CEP76: variants seen among roughly 807,000 people sequenced by gnomAD.
CEP76 encodes the protein centrosomal protein of 76 kDa.
CEP76 carries 55 observed loss-of-function variants against 83.3 expected under a neutral mutation model. That is an observed-to-expected ratio of 0.66 (90% CI 0.53 to 0.83). The LOEUF is 0.83. CEP76 is among the 40% of genes least tolerant of loss of function. CEP76 has a pLI of 0.00. For missense variants in CEP76, 694 were observed against 799.5 expected, an observed-to-expected ratio of 0.87 and a Z score of 1.59; for synonymous variants, 270 against 274.5, an observed-to-expected ratio of 0.98 and a Z score of 0.16.
downstream of CEP76, among the ~76,000 whole-genome samples, chr18:12,668,527 G>GGT: frequency 7.2e-6 from 1 of 139,522 alleles, no homozygotes; most frequent in Middle Eastern, 4.1e-3. Flanking sequence ...GAACCCAGGA[G>GGT]GTAGAGGTTG....
Position 12,695,256 on chromosome 18 carries a change from G to T in CEP76, c.802C>A (p.Gln268Lys). Residue 268 changes from glutamine to lysine, a missense_variant and splice_region_variant, in exon 6 of 12, where the codon CAG becomes AAG. Physicochemically the swap from Gln to Lys is moderately conservative, Grantham distance 53. Transcript: ENST00000262127. Reference sequence around the variant, plus strand: ...AAGAGAAACTCATAAGTATTTACCTGTGTGTTCACTACTTCTTGAGATAAC... The same window carrying T: ...AAGAGAAACTCATAAGTATTTACCTTTGTGTTCACTACTTCTTGAGATAAC... ...QTLSQEVVNT[Q>K]LALERQKTAE... 2.1e-6 allele frequency: 3 copies of T among 1,411,818 alleles called. No homozygotes were observed. The highest frequency in any genetic ancestry group is 1.2e-5 in the South Asian group (1 of 81,488). The allele number at this position is 1,411,818 out of a possible 1,614,324, so 87.5% of individuals were successfully genotyped here. A position where few individuals can be genotyped will look rare whatever the true frequency, so the allele number is the denominator to read the frequency against.
At chr18:12,664,985 C>T (rs527517137) in intron 12 of CEP76, 3 of 152,242 alleles carry the variant, frequency 2.0e-5, no homozygotes, top group South Asian at 4.1e-4. Context: ...CCACTGCACC[C>T]GATCTATCCT....
chr18:12,664,631 C>T (rs973882730), intron 12 of CEP76, among the ~76,000 whole-genome samples: 5 of 151,958 alleles, frequency 3.3e-5, no homozygotes, highest in African/African-American at 9.7e-5. Context: ...GGGATCCTCC[C>T]GCCTTGGCCT....
At chr18:12,685,658 T>A (rs9959458) in intron 8 of CEP76, 59,023 of 150,824 alleles carry the variant, frequency 0.39, 11,920 homozygotes, top group Non-Finnish European at 0.45. Context: ...TTTTGAGACG[T>A]GTCTTGCTCT....
chr18:12,699,149 G>C lies in CEP76; in HGVS notation c.350C>G (p.Ala117Gly). 6.2e-7 allele frequency: 1 copy of C among 1,614,054 alleles called. No individual in the cohort carries two copies. Among genetic ancestry groups the C allele is most frequent in the Middle Eastern group, 1.7e-4 (1 of 6,060 alleles). Residue 117 changes from alanine to glycine, a missense_variant, in exon 4 of 12, where the codon GCT becomes GGT. Ala to Gly is a moderately conservative substitution (Grantham distance 60). Coordinates refer to ENST00000262127, the MANE Select transcript of CEP76 (RefSeq NM_024899.4). Reference sequence around the variant, plus strand: ...AGGTTCTTGCAGATGTTCCAAGAAAGCTTTTCCACCCAAAACCTGAAGGTA... The same window carrying C: ...AGGTTCTTGCAGATGTTCCAAGAAACCTTTTCCACCCAAAACCTGAAGGTA... Reference protein sequence around the residue: ...YLYLQVLGGKAFLEHLQEPEP... With the variant: ...YLYLQVLGGKGFLEHLQEPEP...
intron 4 of CEP76, among the ~76,000 whole-genome samples, chr18:12,698,160 ATTTAT>A (rs2040022614): frequency 1.5e-5 from 2 of 137,366 alleles, no homozygotes; most frequent in South Asian, 2.1e-4. Flanking sequence ...TTTTTATTTT[ATTTAT>A]ATTTATTTGT....
Position 12,678,371 on chromosome 18 carries a change from CG to C in CEP76, c.1360del (p.Arg454GlufsTer22). 1 of 1,613,962 alleles carries C rather than the reference CG, an allele frequency of 6.2e-7. No individual in the cohort carries two copies. Among genetic ancestry groups the C allele is most frequent in the East Asian group, 2.2e-5 (1 of 44,866 alleles). ...ATGGTTGAAAACACAACCAATTGTT[CG>C]ATATGGGTACAGTGGTTTGGGCTGT... ...AEQPKPLYPYRTIGCVFNHQM... is the reference protein window; with the variant it reads ...AEQPKPLYPYXTIGCVFNHQM... On this transcript the variant is annotated frameshift_variant, in exon 10 of 12. Coordinates refer to ENST00000262127, the MANE Select transcript of CEP76 (RefSeq NM_024899.4). LOFTEE classifies it high-confidence loss of function.
chr18:12,700,736 G>A (rs2040122373), intron 2 of CEP76, among the ~76,000 whole-genome samples: 1 of 152,104 alleles, frequency 6.6e-6, no homozygotes, highest in South Asian at 2.1e-4. Context: ...TCACTGTAGA[G>A]ACAGGAATAA....
chr18:12,664,474 C>T (rs948261508), intron 12 of CEP76, among the ~76,000 whole-genome samples: 4 of 151,684 alleles, frequency 2.6e-5, no homozygotes, highest in Admixed American at 6.6e-5. Context: ...TGCTTGAACC[C>T]GGGAGGCAGA....
chr18:12,682,836 G>A (rs2039399084), intron 8 of CEP76, among the ~76,000 whole-genome samples: 1 of 151,406 alleles, frequency 6.6e-6, no homozygotes, highest in Non-Finnish European at 1.5e-5. Context: ...TGGCCAGGTT[G>A]GTCTTGAACT....
intron 7 of CEP76, 119 bp from the exon 8 acceptor site, chr18:12,686,569 T>C: frequency 1.4e-6 from 1 of 722,022 alleles, no homozygotes; most frequent in Non-Finnish European, 2.3e-6. Flanking sequence ...GTGCTTACCT[T>C]GTATCCAGTA....
At chr18:12,675,974 T>C (rs1417449267) in intron 10 of CEP76, among the ~76,000 whole-genome samples, 2 of 152,088 alleles carry the variant, frequency 1.3e-5, no homozygotes, top group African/African-American at 4.8e-5. Flanking sequence ...CAGCCCATGA[T>C]TCCATTTATA....
At chr18:12,693,225 GA>G (rs772023059) in intron 6 of CEP76, among the ~76,000 whole-genome samples, 7 of 152,082 alleles carry the variant, frequency 4.6e-5, no homozygotes, top group Non-Finnish European at 8.8e-5. Flanking sequence ...TATGACAGTG[GA>G]AATATAAGAA....
rs958704429 is a variant in CEP76 at position 12,674,837 on chromosome 18, T to C, written c.1624-84A>G. The C allele has an allele frequency of 6.7e-6, 5 of 750,614 alleles. No homozygotes were observed. In the East Asian group the frequency reaches 1.4e-4, roughly 21 times the overall value. The allele number at this position is 750,614 out of a possible 1,614,324, so 46.5% of individuals were successfully genotyped here. ...TAAATAAAAATGTTGATTATTTTAA[T>C]GTATACCAAGAAAAGATTTTTAAAA... On this transcript the variant is annotated intron_variant, in intron 10 of 11. Transcript: ENST00000262127.
chr18:12,676,015 A>G (rs2039117193), intron 10 of CEP76, among the ~76,000 whole-genome samples: 1 of 152,152 alleles, frequency 6.6e-6, no homozygotes, highest in African/African-American at 2.4e-5. Flanking sequence ...ATCTGGACAC[A>G]TGAAGTTAAA....
chr18:12,692,317 A>G (rs1171636409), intron 6 of CEP76: 1 of 148,596 alleles, frequency 6.7e-6, no homozygotes, highest in Non-Finnish European at 1.5e-5. Context: ...CTCTATCTCA[A>G]AAAAAAAAAA....
In CEP76 at chr18:12,701,083, G is replaced by A; in HGVS notation, c.94C>T (p.Leu32Phe). Residue 32 changes from leucine (L) to phenylalanine (F), a missense_variant, in exon 2 of 12, where the codon CTT becomes TTT. Coordinates refer to ENST00000262127, the MANE Select transcript of CEP76 (RefSeq NM_024899.4). Reference sequence around the variant, plus strand: ...AATTCTTCCCGTATAGTCTCAGCAAGGATTTCTCTTATTCTACCATGGACA... The same window carrying A: ...AATTCTTCCCGTATAGTCTCAGCAAAGATTTCTCTTATTCTACCATGGACA... ...MDVHGRIREILAETIREELAP... is the reference protein window; with the variant it reads ...MDVHGRIREIFAETIREELAP... 3 of 1,612,878 alleles carry A rather than the reference G, an allele frequency of 1.9e-6. No individual in the cohort carries two copies. The highest frequency in any genetic ancestry group is 2.5e-6 in the Non-Finnish European group (3 of 1,179,408).
At chr18:12,666,849 A>G (rs986744395) in intron 12 of CEP76, among the ~76,000 whole-genome samples, 1 of 152,172 alleles carries the variant, frequency 6.6e-6, no homozygotes, top group Non-Finnish European at 1.5e-5. Flanking sequence ...AGGTTTATCA[A>G]AACTGAAGAT....
chr18:12,688,771 C>A (rs896251003), intron 7 of CEP76, among the ~76,000 whole-genome samples: 29 of 152,164 alleles, frequency 1.9e-4, no homozygotes, highest in Non-Finnish European at 2.9e-5. Flanking sequence ...CAGTACATGG[C>A]TGGTGGCTAC....
Sources: gnomAD v4.1 joint callset for allele counts (sites outside exome capture counted in the v4.1 genomes callset) on GRCh38, gnomAD v4.1.1 for gene constraint, MANE v1.5 for transcripts, NCBI Gene and HGNC (gene_info 2026-07-23, HGNC 2026-07-21) for gene names.